TOP2A: variants seen among roughly 807,000 people sequenced by gnomAD.
The protein encoded by TOP2A is DNA topoisomerase 2-alpha.
A neutral mutation model predicts 187.2 loss-of-function variants in TOP2A; 68 were observed. The ratio of observed to expected loss-of-function variants is 0.36; its 90% confidence interval spans 0.30 to 0.44. The LOEUF (loss-of-function observed/expected upper bound fraction) is 0.44. Ranked by LOEUF, TOP2A falls within the 20% of genes least tolerant of loss-of-function variation. TOP2A has a pLI of 1.00. For synonymous variants in TOP2A, 542 were observed against 593.2 expected (o/e 0.91, Z 1.25); for missense variants, 1,196 against 1,808.7 (o/e 0.66, Z 6.14).
In TOP2A at chr17:40,413,233, C is replaced by G. The variant is rs80184041; in HGVS notation, c.538G>C (p.Glu180Gln). The G allele has an allele frequency of 1.7e-5, 26 of 1,565,744 alleles. No homozygotes were observed. Among genetic ancestry groups the G allele is most frequent in the African/African-American group, 9.5e-5 (7 of 73,812 alleles). Reference protein sequence around the residue: ...CNIFSTKFTVETASREYKKMF... With the variant: ...CNIFSTKFTVQTASREYKKMF... ...TTCTTGTATTCTCTACTGGCTGTTT[C>G]CACAGTAAATTTGGTACTGAATATG... Residue 180 changes from glutamate (E) to glutamine (Q), a missense_variant, in exon 6 of 35, where the codon GAA becomes CAA. Around this residue, in one of 10 missense-constraint regions of TOP2A, gnomAD observed 252 missense variants for 434.8 expected, o/e 0.58. Coordinates refer to ENST00000423485, the MANE Select transcript of TOP2A (RefSeq NM_001067.4).
In TOP2A at chr17:40,399,880, A is replaced by G; in HGVS notation, c.3188T>C (p.Ile1063Thr). 1 of 1,594,992 alleles carries G rather than the reference A, an allele frequency of 6.3e-7. No individual in the cohort carries two copies. Among genetic ancestry groups the G allele is most frequent in the Admixed American group, 1.8e-5 (1 of 54,382 alleles). Reference sequence around the variant, plus strand: ...TTATTCCCAAAACATACCAATGATTATTTTGCCATCTATTTTCTCTAAGAT... The same window carrying G: ...TTATTCCCAAAACATACCAATGATTGTTTTGCCATCTATTTTCTCTAAGAT... ...RFILEKIDGK[I>T]IIENKPKKEL... is the part of the protein sequence containing the mutation. Residue 1063 changes from isoleucine to threonine, a missense_variant, in exon 24 of 35, where the codon ATA becomes ACA. This residue lies in a region of TOP2A where 232 missense variants were observed against 306.1 expected (regional missense o/e 0.76). Coordinates refer to ENST00000423485, the MANE Select transcript of TOP2A (RefSeq NM_001067.4).
rs35730982 is a variant in TOP2A at position 40,403,062 on chromosome 17, G to GA, written c.2284-9dup. On this transcript the variant is annotated splice_polypyrimidine_tract_variant and intron_variant, in intron 19 of 34. Coordinates refer to ENST00000423485, the MANE Select transcript of TOP2A (RefSeq NM_001067.4). ...GGTCATCATTAGTGACATCTGTGGG[G>GA]AAAAAAAGATTCATTAAGCTGAGGC... 1.0e-5 allele frequency: 16 copies of GA among 1,583,896 alleles called. No homozygotes were observed. Among genetic ancestry groups the GA allele is most frequent in the African/African-American group, 6.8e-5 (5 of 74,072 alleles).
In TOP2A at chr17:40,400,220, A is replaced by T; in HGVS notation, c.2989T>A (p.Cys997Ser). The change falls in exon 23 of 35, where the codon TGC (cysteine) becomes AGC (serine). Residue 997 changes from cysteine to serine, a missense_variant. Transcript: ENST00000423485. ...AAACAAATACATACCATAGAGTTGCATGTGAGACTAGTTTGGAGTTTGAAG... is the reference window on the plus strand; with the variant it reads ...AAACAAATACATACCATAGAGTTGCTTGTGAGACTAGTTTGGAGTTTGAAG... The part of the protein sequence containing the change: ...KVFKLQTSLT[C>S]NSMVLFDHVG... 1 of 1,613,878 alleles carries T rather than the reference A, an allele frequency of 6.2e-7. No homozygotes were observed.
intron 17 of TOP2A, 118 bp downstream of exon 17, chr17:40,404,673 C>CTCTA: frequency 1.3e-6 from 1 of 783,750 alleles, no homozygotes; most frequent in South Asian, 1.7e-5. Flanking sequence ...TGCTGCACAA[C>CTCTA]TCTATCATAT....
Position 40,388,848 on chromosome 17 carries a change from C to G in TOP2A, c.*671G>C. 1 of 199,352 alleles carries G rather than the reference C, an allele frequency of 5.0e-6. No homozygotes were observed. Among genetic ancestry groups the G allele is most frequent in the Non-Finnish European group, 1.0e-5 (1 of 96,486 alleles). The allele number at this position is 199,352 out of a possible 1,614,324, so 12.3% of individuals were successfully genotyped here. A position where few individuals can be genotyped will look rare whatever the true frequency, so the allele number is the denominator to read the frequency against. ...CAGACTCAGAGGCAGCCAGAGGGGA[C>G]AGGTCAAGAGCTGAAATAATCACAT... On this transcript the variant is annotated 3_prime_UTR_variant, in exon 35 of 35. Coordinates refer to ENST00000423485, the MANE Select transcript of TOP2A (RefSeq NM_001067.4).
chr17:40,398,758 C>T lies in TOP2A; in HGVS notation c.3453+15G>A, dbSNP rs1466115076. The T allele has an allele frequency of 1.2e-6, 2 of 1,607,076 alleles. No individual in the cohort carries two copies. The highest frequency in any genetic ancestry group is 2.7e-5 in the African/African-American group (2 of 74,378). ...ACAAAACTAAGCAGCATGTACCATC[C>T]TACTATCAACTCACTTTTTCATTTC... On this transcript the variant is annotated intron_variant, in intron 26 of 34. Transcript: ENST00000423485.
chr17:40,399,906 A>G lies in TOP2A; in HGVS notation c.3162T>C (p.Phe1054=), dbSNP rs770931941. ...ESAKLNNQAR[F]ILEKIDGKII... is the part of the protein sequence containing the mutation. ...TTTTGCCATCTATTTTCTCTAAGAT[A>G]AAGCGAGCCTGATTATTCAGTTTAG... The change falls in exon 24 of 35, where the codon TTT becomes TTC. Residue 1054 remains phenylalanine, a synonymous_variant. Transcript: ENST00000423485. 8 of 1,606,248 alleles carry G rather than the reference A, an allele frequency of 5.0e-6. No homozygotes were observed. The East Asian group carries it at 1.3e-4, about 27-fold the overall frequency.
chr17:40,408,576 G>A lies in TOP2A; in HGVS notation c.1258C>T (p.Gln420Ter). ...SILNWVKFKA[Q>*]VQLNKKCSAV... The stretch of plus-strand genomic sequence containing the variant: ...GAACACTTCTTGTTTAACTGGACTT[G>A]GGCCTTAAACTTCACCCAGTTTAGT... Residue 420 changes from glutamine (Q) to a stop codon, truncating the protein, a stop_gained, in exon 11 of 35, where the codon CAA (glutamine) becomes TAA (stop). Transcript: ENST00000423485. LOFTEE classifies it high-confidence loss of function. The A allele has an allele frequency of 6.2e-7, 1 of 1,613,608 alleles. No individual in the cohort carries two copies. The highest frequency in any genetic ancestry group is 8.5e-7 in the Non-Finnish European group (1 of 1,179,688).
chr17:40,409,396 A>G, intron 10 of TOP2A: 1 of 421,792 alleles, frequency 2.4e-6, no homozygotes, highest in South Asian at 1.8e-5. Context: ...TTAAAAATAA[A>G]TAAATAAAAT....
At chr17:40,414,154 G>A (rs1012264406) in intron 4 of TOP2A, among the ~76,000 whole-genome samples, 1 of 152,124 alleles carries the variant, frequency 6.6e-6, no homozygotes, top group Non-Finnish European at 1.5e-5. Context: ...AATGATTTAT[G>A]CCCAATGGAA....
Position 40,400,292 on chromosome 17 carries a change from T to C in TOP2A, c.2917A>G (p.Thr973Ala), listed in dbSNP as rs773798509. Residue 973 changes from threonine (T) to alanine (A), a missense_variant, in exon 23 of 35, where the codon ACT becomes GCT. By Grantham distance (58) the Thr-to-Ala change is moderately conservative. Coordinates refer to ENST00000423485, the MANE Select transcript of TOP2A (RefSeq NM_001067.4). ...DTTVKFVVKM[T>A]EEKLAEAERV... ...TCTGCCTCTGCCAGTTTTTCTTCAG[T>C]CATCTTCACAACAAATTTCACAGTG... 6.2e-7 allele frequency: 1 copy of C among 1,613,914 alleles called. No individual in the cohort carries two copies. Among genetic ancestry groups the C allele is most frequent in the Admixed American group, 1.7e-5 (1 of 60,006 alleles).
chr17:40,400,838 CAG>C lies in TOP2A; in HGVS notation c.2664+10_2664+11del, dbSNP rs752405477. On this transcript the variant is annotated intron_variant, in intron 21 of 34. Transcript: ENST00000423485. ...GAAAAGTTAAGGCTCTTAACACACA[CAG>C]AATACTTACCATTGGCAAAGGTTCT... is the stretch of plus-strand genomic sequence containing the variant. 145 of 1,612,898 alleles carry C rather than the reference CAG, an allele frequency of 9.0e-5. No homozygotes were observed. The Middle Eastern group carries it at 1.2e-3, about 13-fold the overall frequency.
chr17:40,408,203 G>A (rs2035271537), intron 11 of TOP2A, 79 bp from the exon 12 acceptor site: 12 of 1,162,878 alleles, frequency 1.0e-5, no homozygotes, highest in Non-Finnish European at 1.4e-5. Context: ...GCTGTTTATA[G>A]CCTTGTGATA....
At chr17:40,404,764 T>A (rs754761400) in intron 17 of TOP2A, 27 bp downstream of exon 17, 1 of 1,437,834 alleles carries the variant, frequency 7.0e-7, no homozygotes, top group South Asian at 1.2e-5. Context: ...AACAATCCAT[T>A]TTGTGGCATA....
At chr17:40,395,281 C>CAAAAAAAA in intron 29 of TOP2A, among the ~76,000 whole-genome samples, 168 bp downstream of exon 29, 1 of 54,878 alleles carries the variant, frequency 1.8e-5, no homozygotes, top group Non-Finnish European at 3.6e-5. Context: ...GAAACTGTCT[C>CAAAAAAAA]AAAAAAAAAA....
chr17:40,411,360 T>C lies in TOP2A; in HGVS notation c.1059A>G (p.Ala353=). 6.2e-7 allele frequency: 1 copy of C among 1,613,778 alleles called. No homozygotes were observed. Among genetic ancestry groups the C allele is most frequent in the Non-Finnish European group, 8.5e-7 (1 of 1,179,748 alleles). ...KKNKGGVAVK[A]HQVKNHMWIF... is the part of the protein sequence containing the mutation. ...AACTGCCAAAAGCACATACCTGATG[T>C]GCTTTTACTGCAACACCACCCTTGT... is the stretch of plus-strand genomic sequence containing the variant. Residue 353 remains alanine (A), a synonymous_variant, in exon 9 of 35, where the codon GCA becomes GCG. Coordinates refer to ENST00000423485, the MANE Select transcript of TOP2A (RefSeq NM_001067.4). The surrounding 1 kb of genome is among the most constrained non-coding windows in gnomAD (Gnocchi z 4.4).
chr17:40,400,753 A>G, intron 21 of TOP2A, 90 bp from the exon 22 acceptor site: 2 of 1,538,900 alleles, frequency 1.3e-6, no homozygotes, highest in Non-Finnish European at 1.8e-6. Context: ...CTAAAGTATG[A>G]AATTAAATTT....
intron 10 of TOP2A, chr17:40,408,934 C>A (rs1213833717): frequency 2.1e-6 from 1 of 480,644 alleles, no homozygotes; most frequent in South Asian, 1.6e-5. Context: ...GTGGCTCACG[C>A]CTATAATCCC....
chr17:40,395,281 C>CCAA (rs2035078925), intron 29 of TOP2A, among the ~76,000 whole-genome samples, 168 bp downstream of exon 29: 1 of 54,856 alleles, frequency 1.8e-5, no homozygotes, highest in Non-Finnish European at 3.6e-5. Context: ...GAAACTGTCT[C>CCAA]AAAAAAAAAA....
Sources: gnomAD v4.1 joint callset for allele counts (sites outside exome capture counted in the v4.1 genomes callset) on GRCh38, gnomAD v4.1.1 for gene constraint, gnomAD v4.1.1 regional missense constraint, Gnocchi (gnomAD v3.1) non-coding constraint, MANE v1.5 for transcripts, NCBI Gene and HGNC (gene_info 2026-07-23, HGNC 2026-07-21) for gene names.